Variants in LRMDA observed in about 807,000 individuals in gnomAD.
The protein encoded by LRMDA is leucine rich melanocyte differentiation associated.
In LRMDA, 18 loss-of-function variants were observed where a neutral mutation model predicts 29.8. The observed-to-expected ratio is 0.60, with a 90% CI of 0.42 to 0.90. The LOEUF (loss-of-function observed/expected upper bound fraction) is 0.90. Ranked by LOEUF, LRMDA falls within the 40% of genes least tolerant of loss-of-function variation. The pLI, the probability that LRMDA is intolerant of heterozygous loss-of-function variation, is 0.00. For missense variants in LRMDA, 273 were observed against 273.9 expected, an observed-to-expected ratio of 1.00 and a Z score of 0.02; for synonymous variants, 125 against 109.4, an observed-to-expected ratio of 1.14 and a Z score of -0.89.
At chr10:75,434,936 G>A (rs1359444852) in intron 1 of LRMDA, among the ~76,000 whole-genome samples, 4 of 152,158 alleles carry the variant, frequency 2.6e-5, no homozygotes, top group Non-Finnish European at 5.9e-5. Flanking sequence ...CTGCAGCTTC[G>A]GCTTGGAGGG....
intron 2 of LRMDA, among the ~76,000 whole-genome samples, chr10:75,509,264 CTGTGTATATG>C (rs1471621969): frequency 1.3e-5 from 2 of 152,048 alleles, no homozygotes; most frequent in Non-Finnish European, 1.5e-5. Flanking sequence ...GTCGAATGGG[CTGTGTATATG>C]TGTATATGTG....
chr10:76,367,414 AT>A (rs1300730569), intron 6 of LRMDA, among the ~76,000 whole-genome samples: 12 of 96,152 alleles, frequency 1.2e-4, no homozygotes, highest in Admixed American at 5.8e-4. Context: ...TGTTGTTTTA[AT>A]TTTTTTAATT....
intron 5 of LRMDA, among the ~76,000 whole-genome samples, chr10:76,213,252 G>A (rs1039870945): frequency 5.3e-5 from 8 of 152,216 alleles, no homozygotes; most frequent in Admixed American, 2.6e-4. Context: ...TCTCTCTGTC[G>A]GGTGATTCAG....
chr10:76,158,868 T>C (rs1850591844), intron 5 of LRMDA, among the ~76,000 whole-genome samples: 1 of 152,194 alleles, frequency 6.6e-6, no homozygotes, highest in East Asian at 1.9e-4. Flanking sequence ...AGATATCTAC[T>C]AATAGCATTG....
chr10:76,347,111 G>C, intron 6 of LRMDA, among the ~76,000 whole-genome samples: 1 of 152,110 alleles, frequency 6.6e-6, no homozygotes, highest in Non-Finnish European at 1.5e-5. Flanking sequence ...ATAGATAAAG[G>C]TATGGCAAAA....
intron 5 of LRMDA, among the ~76,000 whole-genome samples, chr10:76,105,032 G>A (rs1439129878): frequency 6.6e-6 from 1 of 152,078 alleles, no homozygotes; most frequent in Non-Finnish European, 1.5e-5. Context: ...AGGTTTTGCT[G>A]AAATCTTACC....
chr10:75,982,200 G>A (rs968311522), intron 2 of LRMDA, among the ~76,000 whole-genome samples: 6 of 152,162 alleles, frequency 3.9e-5, no homozygotes, highest in Non-Finnish European at 7.3e-5. Context: ...CAGTGCCTTT[G>A]GGGGTGAACC....
At chr10:75,826,711 C>T (rs1164190153) in intron 2 of LRMDA, among the ~76,000 whole-genome samples, 2 of 152,034 alleles carry the variant, frequency 1.3e-5, no homozygotes, top group Non-Finnish European at 2.9e-5. Flanking sequence ...CTAGAGAGGC[C>T]GATCCTTGCA....
chr10:76,185,461 C>T lies in LRMDA; in HGVS notation c.516+126678C>T, dbSNP rs181571055. 2.2e-3 allele frequency among the ~76,000 whole-genome samples: 330 copies of T among 152,246 alleles called. 2 individuals are homozygous for T. Among genetic ancestry groups the T allele is most frequent in the African/African-American group, 7.6e-3 (315 of 41,524 alleles). Reference sequence around the variant, plus strand: ...TTTCAAAGAGATTGTGAGGACTGGACAAAGTGGTGGTTTGAAAATATTTCA... The same window carrying T: ...TTTCAAAGAGATTGTGAGGACTGGATAAAGTGGTGGTTTGAAAATATTTCA... On this transcript the variant is annotated intron_variant, in intron 5 of 6. Transcript: ENST00000611255.
At chr10:75,591,778 T>C (rs949537109) in intron 2 of LRMDA, among the ~76,000 whole-genome samples, 11 of 152,186 alleles carry the variant, frequency 7.2e-5, no homozygotes, top group Admixed American at 1.3e-4. Flanking sequence ...ATCAAATATT[T>C]ATAGGGCCAG....
At chr10:76,008,100 A>G (rs1847704748) in intron 2 of LRMDA, among the ~76,000 whole-genome samples, 1 of 151,934 alleles carries the variant, frequency 6.6e-6, no homozygotes, top group Admixed American at 6.6e-5. Context: ...GATTTGAAGA[A>G]GCAGGGAGGG....
chr10:76,458,729 G>T (rs1437259903), intron 6 of LRMDA, among the ~76,000 whole-genome samples: 1 of 152,112 alleles, frequency 6.6e-6, no homozygotes, highest in Non-Finnish European at 1.5e-5. Flanking sequence ...CTTCACAGGG[G>T]CCACAGAAAT....
intron 5 of LRMDA, among the ~76,000 whole-genome samples, chr10:76,198,916 C>A (rs1045170321): frequency 2.0e-5 from 3 of 152,168 alleles, no homozygotes; most frequent in African/African-American, 7.2e-5. Flanking sequence ...TTAATCAGTT[C>A]TTTGAATTAA....
intron 2 of LRMDA, among the ~76,000 whole-genome samples, chr10:75,701,211 C>T (rs1452453528): frequency 3.3e-5 from 5 of 152,042 alleles, no homozygotes; most frequent in Admixed American, 6.5e-5. Flanking sequence ...TGCCTGAACG[C>T]GAGAGGCTGT....
intron 5 of LRMDA, among the ~76,000 whole-genome samples, chr10:76,218,030 T>C (rs1163344868): frequency 6.6e-6 from 1 of 152,218 alleles, no homozygotes; most frequent in African/African-American, 2.4e-5. Context: ...CCCTTCTCCC[T>C]GCGTACCCTG....
At chr10:75,794,839 T>C (rs900785052) in intron 2 of LRMDA, among the ~76,000 whole-genome samples, 1 of 152,194 alleles carries the variant, frequency 6.6e-6, no homozygotes, top group African/African-American at 2.4e-5. Context: ...TATGTCTATA[T>C]TTATTTATTT....
intron 6 of LRMDA, among the ~76,000 whole-genome samples, chr10:76,439,586 C>T (rs1378214498): frequency 6.6e-6 from 1 of 152,196 alleles, no homozygotes; most frequent in African/African-American, 2.4e-5. Context: ...CTCCTAACCT[C>T]ACTCAAGTGA....
intron 5 of LRMDA, among the ~76,000 whole-genome samples, chr10:76,212,726 A>C (rs759252892): frequency 9.8e-5 from 15 of 152,344 alleles, no homozygotes; most frequent in South Asian, 4.1e-4. Context: ...TGTGTACTAC[A>C]TTGTGGGGAC....
chr10:76,019,532 T>G (rs1024416934), intron 2 of LRMDA, among the ~76,000 whole-genome samples: 50 of 152,142 alleles, frequency 3.3e-4, no homozygotes, highest in Non-Finnish European at 1.2e-4. Flanking sequence ...AAAAAGAACA[T>G]AAACTTGACA....
Sources: allele counts gnomAD v4.1 joint callset (sites outside exome capture counted in the v4.1 genomes callset), GRCh38; gene constraint gnomAD v4.1.1; transcripts MANE v1.5; gene names NCBI Gene and HGNC (gene_info 2026-07-23, HGNC 2026-07-21).